Variants in GLRA2 observed in about 807,000 individuals in gnomAD.
The protein encoded by GLRA2 is glycine receptor alpha 2.
Under a neutral mutation model 31.6 loss-of-function variants are expected in GLRA2, and 11 were observed. That is an observed-to-expected ratio of 0.35 (90% CI 0.22 to 0.58). The LOEUF (loss-of-function observed/expected upper bound fraction) is 0.58. GLRA2 is among the 20% of genes least tolerant of loss of function. The probability of loss-of-function intolerance (pLI) is 0.84; values close to 1 mark genes in which losing one functional copy is unlikely to be tolerated. For synonymous variants in GLRA2, 132 were observed against 134.0 expected, an observed-to-expected ratio of 0.99 and a Z score of 0.10; for missense variants, 212 against 351.8, an observed-to-expected ratio of 0.60 and a Z score of 3.18.
chrX:14,507,689 C>CTTTTTTTTTTTTTTT, the GLRA2 span, among the ~76,000 whole-genome samples: 27 of 46,634 alleles, frequency 5.8e-4, 6 homozygotes, highest in Non-Finnish European at 7.1e-4. Context: ...GAAAGACATT[C>CTTTTTTTTTTTTTTT]TTTTTTTTTT....
At chrX:14,508,873 A>ACTC in the GLRA2 span, among the ~76,000 whole-genome samples, 13 of 111,526 alleles carry the variant, frequency 1.2e-4, no homozygotes, top group African/African-American at 4.2e-4. Context: ...AAGCTGTCTA[A>ACTC]CTCCAGAGTT....
intron 2 of GLRA2, among the ~76,000 whole-genome samples, chrX:14,547,178 A>G (rs1206960469): frequency 9.0e-6 from 1 of 111,583 alleles, no homozygotes; most frequent in East Asian, 2.8e-4. Flanking sequence ...AGGAAAGCTA[A>G]GATCAAAAAT....
At chrX:14,527,590 G>A (rs763423752), upstream of GLRA2, among the ~76,000 whole-genome samples, 3 of 108,306 alleles carry the variant, frequency 2.8e-5, no homozygotes, top group Non-Finnish European at 3.8e-5. Context: ...ACTCCAGCCC[G>A]GTGACAGAGT....
chrX:14,512,523 T>C, the GLRA2 span, among the ~76,000 whole-genome samples: 4 of 111,285 alleles, frequency 3.6e-5, no homozygotes, highest in Non-Finnish European at 7.6e-5. Context: ...TAGAAAACCC[T>C]GAAGACTTCT....
At chrX:14,496,274 T>C in the GLRA2 span, among the ~76,000 whole-genome samples, 1 of 111,675 alleles carries the variant, frequency 9.0e-6, no homozygotes. Context: ...AAGCTAATGG[T>C]CTTACCTTGT....
chrX:14,688,540 C>T (rs1032535802), intron 7 of GLRA2, among the ~76,000 whole-genome samples: 18 of 111,428 alleles, frequency 1.6e-4, no homozygotes, highest in African/African-American at 3.6e-4. Context: ...CCTTGCAGTT[C>T]GATCTCAGAT....
intron 7 of GLRA2, among the ~76,000 whole-genome samples, chrX:14,670,312 C>G (rs1254874481): frequency 1.8e-5 from 2 of 111,806 alleles, no homozygotes; most frequent in Non-Finnish European, 3.8e-5. Flanking sequence ...CTGAGCCCTC[C>G]AAACTGTTCC....
In GLRA2 at chrX:14,552,528, AG is replaced by A. The variant is rs200699434; in HGVS notation, c.202+20158del. The stretch of plus-strand genomic sequence containing the variant: ...AGAGACAGAGAAGCTGGTCAAATCT[AG>A]GCAGTCTGGTGCTGAGGCCCACATA... On this transcript the variant is annotated intron_variant, in intron 2 of 8. Transcript: ENST00000218075. 5.8e-3 allele frequency among the ~76,000 whole-genome samples: 650 copies of A among 112,805 alleles called. 9 individuals are homozygous for A. The highest frequency in any genetic ancestry group is 0.02 in the African/African-American group (617 of 31,102).
intron 7 of GLRA2, among the ~76,000 whole-genome samples, chrX:14,665,200 G>C (rs2091026998): frequency 8.9e-6 from 1 of 111,863 alleles, no homozygotes; most frequent in African/African-American, 3.2e-5. Flanking sequence ...CTTGCAAGGA[G>C]TTGTGACTGA....
intron 4 of GLRA2, among the ~76,000 whole-genome samples, chrX:14,582,254 C>T (rs1291783116): frequency 1.1e-5 from 1 of 88,293 alleles, no homozygotes; most frequent in African/African-American, 4.5e-5. Flanking sequence ...GTGTGATGTT[C>T]CCCTTCCTGT....
At chrX:14,457,606 G>A in the GLRA2 span, among the ~76,000 whole-genome samples, 1 of 111,691 alleles carries the variant, frequency 9.0e-6, no homozygotes. Flanking sequence ...TCATTGATGG[G>A]CATTTGGGTT....
intron 2 of GLRA2, among the ~76,000 whole-genome samples, chrX:14,549,063 C>T (rs994507680): frequency 1.6e-4 from 18 of 111,656 alleles, no homozygotes; most frequent in African/African-American, 5.8e-4. Flanking sequence ...CTAGAGGGCC[C>T]GTGGTACAGG....
the GLRA2 span, among the ~76,000 whole-genome samples, chrX:14,462,148 T>C: frequency 4.3e-4 from 48 of 112,291 alleles, no homozygotes; most frequent in Non-Finnish European, 6.9e-4. Context: ...TTGAAAATTC[T>C]TTTCTTTAAG....
chrX:14,681,933 A>ATATATATG (rs2091215248), intron 7 of GLRA2, among the ~76,000 whole-genome samples: 1 of 84,611 alleles, frequency 1.2e-5, no homozygotes. Context: ...ATATATATGT[A>ATATATATG]TATATATGTG....
intron 7 of GLRA2, among the ~76,000 whole-genome samples, chrX:14,681,904 A>ATATATATATATATATATATATAT (rs1295348729): frequency 2.4e-4 from 9 of 37,978 alleles, no homozygotes; most frequent in Non-Finnish European, 6.2e-4. Flanking sequence ...AAAAAAAAAA[A>ATATATATATATATATATATATAT]AAAAAAATAT....
the GLRA2 span, among the ~76,000 whole-genome samples, chrX:14,457,826 AG>A: frequency 9.0e-6 from 1 of 111,057 alleles, no homozygotes; most frequent in Non-Finnish European, 1.9e-5. Flanking sequence ...ACAGTGTAAA[AG>A]TGTTCCTATT....
chrX:14,570,808 C>T (rs2089872206), intron 2 of GLRA2, among the ~76,000 whole-genome samples: 1 of 111,199 alleles, frequency 9.0e-6, no homozygotes, highest in Non-Finnish European at 1.9e-5. Context: ...TACCTTATTC[C>T]AAAGAAGATA....
At chrX:14,562,165 C>T (rs897360750) in intron 2 of GLRA2, among the ~76,000 whole-genome samples, 13 of 112,353 alleles carry the variant, frequency 1.2e-4, no homozygotes, top group Non-Finnish European at 1.7e-4. Context: ...ATCAACAAAA[C>T]GGCACAGTAG....
At chrX:14,558,432 C>T (rs928111375) in intron 2 of GLRA2, among the ~76,000 whole-genome samples, 1 of 111,962 alleles carries the variant, frequency 8.9e-6, no homozygotes, top group Non-Finnish European at 1.9e-5. Context: ...AAAGATAAAA[C>T]AGACTAGTAG....
Sources: allele counts gnomAD v4.1 joint callset (sites outside exome capture counted in the v4.1 genomes callset), GRCh38; gene constraint gnomAD v4.1.1; transcripts MANE v1.5; gene names NCBI Gene and HGNC (gene_info 2026-07-23, HGNC 2026-07-21).